Variants in ZNF875 observed in about 807,000 individuals in gnomAD.
ZNF875 encodes zinc finger protein 875.
Under a neutral mutation model 11.2 loss-of-function variants are expected in ZNF875, and 14 were observed. The observed-to-expected ratio is 1.26, with a 90% CI of 0.83 to 1.96. The LOEUF is 1.96. Ranked by LOEUF, ZNF875 falls within the 30% of genes most tolerant of loss-of-function variation. The pLI, the probability that ZNF875 is intolerant of heterozygous loss-of-function variation, is 0.00. For missense variants in ZNF875, 752 were observed against 760.4 expected (o/e 0.99, Z 0.13); for synonymous variants, 301 against 281.1 (o/e 1.07, Z -0.71).
At chr19:37,357,902 C>G in intron 4 of ZNF875, 2 of 398,280 alleles carry the variant, frequency 5.0e-6, no homozygotes, top group East Asian at 7.1e-5. Context: ...CTAGGACTTC[C>G]AGTACTAAGT....
chr19:37,338,181 G>A (rs1283786015), intron 2 of ZNF875, among the ~76,000 whole-genome samples: 1 of 152,164 alleles, frequency 6.6e-6, no homozygotes, highest in Non-Finnish European at 1.5e-5. Context: ...GCAGTGCAGT[G>A]GCACGATCTT....
upstream of ZNF875, among the ~76,000 whole-genome samples, chr19:37,331,801 G>A (rs1224437714): frequency 7.7e-6 from 1 of 129,752 alleles, no homozygotes; most frequent in African/African-American, 2.5e-5. Flanking sequence ...CCCCCAGCCC[G>A]ACACCCCCAG....
At chr19:37,361,809 C>T (rs922344148) in intron 4 of ZNF875, among the ~76,000 whole-genome samples, 3 of 151,826 alleles carry the variant, frequency 2.0e-5, no homozygotes, top group Middle Eastern at 3.4e-3. Flanking sequence ...CCCAGCTACT[C>T]GGGAGGCTAA....
upstream of ZNF875, among the ~76,000 whole-genome samples, chr19:37,330,971 G>A (rs2033281546): frequency 9.2e-5 from 14 of 152,102 alleles, no homozygotes; most frequent in South Asian, 2.7e-3. Flanking sequence ...TGGATCACGA[G>A]GTCAGGAGAT....
At chr19:37,320,880 ATTATTC>A (rs1211914063) in intron 1 of ZNF875, among the ~76,000 whole-genome samples, 1 of 152,216 alleles carries the variant, frequency 6.6e-6, no homozygotes, top group African/African-American at 2.4e-5. Context: ...ACTAAGAAAA[ATTATTC>A]TGCCTTGAGA....
intron 2 of ZNF875, among the ~76,000 whole-genome samples, chr19:37,339,268 A>C (rs2035159044): frequency 6.6e-6 from 1 of 152,020 alleles, no homozygotes; most frequent in Non-Finnish European, 1.5e-5. Context: ...GTATCTACCC[A>C]GCTCTATTTT....
At chr19:37,337,142 T>A (rs2034639982) in intron 2 of ZNF875, 1 of 146,132 alleles carries the variant, frequency 6.8e-6, no homozygotes, top group Admixed American at 6.8e-5. Context: ...AACGTCTTTA[T>A]CATTTGGACG....
At chr19:37,357,409 T>C (rs2039096890) in intron 4 of ZNF875, among the ~76,000 whole-genome samples, 1 of 152,226 alleles carries the variant, frequency 6.6e-6, no homozygotes, top group Non-Finnish European at 1.5e-5. Flanking sequence ...ATTGAATCTG[T>C]AGATTGCTTT....
chr19:37,334,921 C>G, intron 1 of ZNF875, 139 bp downstream of exon 1: 1 of 457,024 alleles, frequency 2.2e-6, no homozygotes, highest in Non-Finnish European at 4.2e-6. Context: ...TTCATTCGAG[C>G]CCACAGGGTT....
chr19:37,321,214 C>G (rs62109233), intron 1 of ZNF875, among the ~76,000 whole-genome samples: 1 of 152,016 alleles, frequency 6.6e-6, no homozygotes. Context: ...GTAAAGGGTC[C>G]GTGGTGAGGA....
chr19:37,344,656 T>C, intron 2 of ZNF875: 2 of 1,607,642 alleles, frequency 1.2e-6, no homozygotes, highest in Non-Finnish European at 1.7e-6. Context: ...GCTGTGTTTC[T>C]ACTCAGTGGG....
intron 4 of ZNF875, among the ~76,000 whole-genome samples, chr19:37,359,235 T>C (rs10422967): frequency 0.21 from 31,563 of 151,998 alleles, 3,480 homozygotes; most frequent in South Asian, 0.31. Flanking sequence ...AGTAAACTTA[T>C]AGAGTTATAT....
At chr19:37,341,871 C>G (rs1391492872) in intron 2 of ZNF875, among the ~76,000 whole-genome samples, 1 of 152,184 alleles carries the variant, frequency 6.6e-6, no homozygotes, top group African/African-American at 2.4e-5. Context: ...ACCTAACATA[C>G]AGTGGTGAGA....
chr19:37,364,069 CAGAT>C lies in ZNF875; in HGVS notation c.*297_*300del. Reference sequence around the variant, plus strand: ...GGCAGGAGGCAGTCAAATGCCCAGGCAGATAGGGGTGGGTACCTGGTGAAACCCA... The same window carrying C: ...GGCAGGAGGCAGTCAAATGCCCAGGCAGGGGTGGGTACCTGGTGAAACCCA... On this transcript the variant is annotated 3_prime_UTR_variant, in exon 5 of 5. Transcript: ENST00000392153. 2.7e-6 allele frequency: 1 copy of C among 374,024 alleles called. No individual in the cohort carries two copies. Among genetic ancestry groups the C allele is most frequent in the Non-Finnish European group, 4.9e-6 (1 of 205,956 alleles). The allele number at this position is 374,024 out of a possible 1,614,324, so 23.2% of individuals were successfully genotyped here. A position where few individuals can be genotyped will look rare whatever the true frequency, so the allele number is the denominator to read the frequency against.
At chr19:37,322,822 T>A (rs757547452) in intron 2 of ZNF875, among the ~76,000 whole-genome samples, 2 of 152,188 alleles carry the variant, frequency 1.3e-5, no homozygotes, top group African/African-American at 4.8e-5. Flanking sequence ...TTCCTCTGCT[T>A]TCTGCCATTT....
At chr19:37,338,816 GT>G (rs2035061260) in intron 2 of ZNF875, among the ~76,000 whole-genome samples, 1 of 152,104 alleles carries the variant, frequency 6.6e-6, no homozygotes, top group South Asian at 2.1e-4. Flanking sequence ...TTAATCACAT[GT>G]TTCAGGAGCG....
At chr19:37,320,110 C>T (rs1038186379) in intron 1 of ZNF875, among the ~76,000 whole-genome samples, 1 of 152,020 alleles carries the variant, frequency 6.6e-6, no homozygotes, top group Non-Finnish European at 1.5e-5. Context: ...CTCCTGACTT[C>T]GTAATCCACC....
intron 4 of ZNF875, among the ~76,000 whole-genome samples, chr19:37,359,057 G>A (rs2146617441): frequency 6.6e-6 from 1 of 151,376 alleles, no homozygotes; most frequent in African/African-American, 2.4e-5. Context: ...TGTACCACCA[G>A]GCCTGGCTAA....
At chr19:37,334,642 C>T, upstream of ZNF875, 1 of 455,666 alleles carries the variant, frequency 2.2e-6, no homozygotes, top group Non-Finnish European at 4.4e-6. Context: ...GCGTTGACGT[C>T]AGAAACACTT....
Sources: gnomAD v4.1 joint callset for allele counts (sites outside exome capture counted in the v4.1 genomes callset) on GRCh38, gnomAD v4.1.1 for gene constraint, MANE v1.5 for transcripts, NCBI Gene and HGNC (gene_info 2026-07-23, HGNC 2026-07-21) for gene names.